PRDM16: variants seen among roughly 807,000 people sequenced by gnomAD.
PRDM16 encodes the protein PR/SET domain 16, also known as histone-lysine N-methyltransferase PRDM16.
In PRDM16, 23 loss-of-function variants were observed where a neutral mutation model predicts 110.6. That is an observed-to-expected ratio of 0.21 (90% CI 0.15 to 0.29). The LOEUF (loss-of-function observed/expected upper bound fraction) is 0.29. Among genes scored for constraint, PRDM16 ranks in the 10% least tolerant of loss-of-function variants. The pLI is 1.00. For synonymous variants in PRDM16, 799 were observed against 781.8 expected (o/e 1.02, Z -0.37); for missense variants, 1,615 against 1,794.3 (o/e 0.90, Z 1.81).
chr1:3,279,886 G>T (rs1640675396), intron 3 of PRDM16, among the ~76,000 whole-genome samples: 1 of 129,366 alleles, frequency 7.7e-6, no homozygotes. Flanking sequence ...CCCCCCCCGG[G>T]CACCCACCAC....
intron 2 of PRDM16, among the ~76,000 whole-genome samples, chr1:3,199,375 G>A (rs1638562681): frequency 6.6e-6 from 1 of 152,230 alleles, no homozygotes; most frequent in African/African-American, 2.4e-5. Flanking sequence ...TAAGCAACAT[G>A]AAATGGCCGG....
At chr1:3,121,718 G>A (rs925556074) in intron 1 of PRDM16, among the ~76,000 whole-genome samples, 2 of 152,260 alleles carry the variant, frequency 1.3e-5, no homozygotes, top group Non-Finnish European at 2.9e-5. Flanking sequence ...GCCGCCGACA[G>A]CCTTGGGGGA....
chr1:3,254,379 T>A (rs1435197039), intron 3 of PRDM16, among the ~76,000 whole-genome samples: 24 of 152,154 alleles, frequency 1.6e-4, no homozygotes, highest in Non-Finnish European at 3.5e-4. Context: ...TGTCCCTGTT[T>A]GCAGATGACA....
chr1:3,273,673 C>CTG (rs751412198), intron 3 of PRDM16, among the ~76,000 whole-genome samples: 72 of 151,000 alleles, frequency 4.8e-4, no homozygotes, highest in Non-Finnish European at 8.6e-4. Context: ...GGGTACATTC[C>CTG]TGTGTGTGTG....
At chr1:3,363,644 A>G (rs904814180) in intron 3 of PRDM16, among the ~76,000 whole-genome samples, 2 of 152,052 alleles carry the variant, frequency 1.3e-5, no homozygotes, top group African/African-American at 4.8e-5. Context: ...TTGCCCCCCA[A>G]TAAGGCCCCC....
Position 3,253,281 on chromosome 1 carries a change from T to C in PRDM16, c.438+9144T>C, listed in dbSNP as rs919023786. On this transcript the variant is annotated intron_variant, in intron 3 of 16. Transcript: ENST00000270722. ...TACAGGTTAGTTACATATGTATACA[T>C]GTGCCATGCTGGTGTGCTGTACCCA... Among the ~76,000 whole-genome samples the C allele has an allele frequency of 1.2e-4, 18 of 151,968 alleles. 2 individuals are homozygous for C. In the East Asian group the frequency reaches 2.9e-3, roughly 24 times the overall value.
intron 1 of PRDM16, among the ~76,000 whole-genome samples, chr1:3,185,730 G>A (rs994972133): frequency 6.6e-6 from 1 of 152,222 alleles, no homozygotes; most frequent in South Asian, 2.1e-4. Context: ...CAGCCGCCAC[G>A]CGTGACGGCT....
At chr1:3,176,614 C>A (rs1478778355) in intron 1 of PRDM16, among the ~76,000 whole-genome samples, 1 of 150,062 alleles carries the variant, frequency 6.7e-6, no homozygotes, top group African/African-American at 2.5e-5. Flanking sequence ...ATCATCCATT[C>A]ATCTATCCAT....
chr1:3,310,882 C>T (rs549280039), intron 3 of PRDM16, among the ~76,000 whole-genome samples: 76 of 149,222 alleles, frequency 5.1e-4, no homozygotes, highest in Non-Finnish European at 6.1e-4. Context: ...TGTGGGCATG[C>T]GTGTGTGTGA....
chr1:3,380,767 G>A (rs1318915022), intron 3 of PRDM16, among the ~76,000 whole-genome samples: 1 of 152,200 alleles, frequency 6.6e-6, no homozygotes, highest in African/African-American at 2.4e-5. Flanking sequence ...ATTCTGCAAG[G>A]TGAGGGGGGC....
chr1:3,408,442 T>C (rs181280585), intron 8 of PRDM16, among the ~76,000 whole-genome samples: 47 of 152,352 alleles, frequency 3.1e-4, no homozygotes, highest in African/African-American at 1.1e-3. Context: ...CACTGGGCAC[T>C]TTGCAGAAAG....
intron 1 of PRDM16, among the ~76,000 whole-genome samples, chr1:3,118,460 C>T (rs771462367): frequency 3.3e-5 from 5 of 152,126 alleles, no homozygotes; most frequent in Non-Finnish European, 5.9e-5. Flanking sequence ...AAGGGGGCAG[C>T]TTTGGGAGCT....
At chr1:3,406,673 T>G (rs934444408) in intron 8 of PRDM16, among the ~76,000 whole-genome samples, 1 of 152,018 alleles carries the variant, frequency 6.6e-6, no homozygotes, top group Non-Finnish European at 1.5e-5. Flanking sequence ...AGCCCAGGAA[T>G]TCGAGGCTGC....
intron 8 of PRDM16, among the ~76,000 whole-genome samples, chr1:3,406,988 G>A (rs1643573935): frequency 6.6e-6 from 1 of 152,242 alleles, no homozygotes; most frequent in African/African-American, 2.4e-5. Flanking sequence ...GCTACAAGAT[G>A]TTGAGTGACC....
rs1640016422 is a variant in PRDM16, at chr1:3,255,218, A to T, written c.438+11081A>T. 1.3e-5 allele frequency among the ~76,000 whole-genome samples: 2 copies of T among 152,198 alleles called. No homozygotes were observed. The highest frequency in any genetic ancestry group is 4.8e-5 in the African/African-American group (2 of 41,448). On this transcript the variant is annotated intron_variant, in intron 3 of 16. Coordinates refer to ENST00000270722, the MANE Select transcript of PRDM16 (RefSeq NM_022114.4). This position sits in a 1 kb window ranked among gnomAD's most constrained non-coding sequence, Gnocchi z 4.7. ...CCATAAAAACCCTAGAAGAAAACCT[A>T]GGCATTACCATTCAGGACATAGGCA...
chr1:3,171,644 C>T (rs1644026839), intron 1 of PRDM16, among the ~76,000 whole-genome samples: 1 of 152,216 alleles, frequency 6.6e-6, no homozygotes, highest in Non-Finnish European at 1.5e-5. Context: ...TGAGCTGGCT[C>T]CTGTCCTGCC....
In PRDM16 at chr1:3,402,089, C is replaced by T. The variant is rs61429447; in HGVS notation, c.677-702C>T. On this transcript the variant is annotated intron_variant, in intron 5 of 16. Transcript: ENST00000270722. ...CAGCTGCCTGCTCATGCCCAAGACGCCCCCGTGCACTCACACACTGGTGCA... is the reference window on the plus strand; with the variant it reads ...CAGCTGCCTGCTCATGCCCAAGACGTCCCCGTGCACTCACACACTGGTGCA... Among the ~76,000 whole-genome samples the T allele has an allele frequency of 2.5e-3, 377 of 152,368 alleles. 2 individuals are homozygous for T. The highest frequency in any genetic ancestry group is 8.6e-3 in the African/African-American group (356 of 41,586).
chr1:3,368,879 T>C (rs1642862646), intron 3 of PRDM16, among the ~76,000 whole-genome samples: 1 of 152,162 alleles, frequency 6.6e-6, no homozygotes, highest in African/African-American at 2.4e-5. Context: ...AGGATTAAAA[T>C]GTTCTGCAGC....
intron 1 of PRDM16, among the ~76,000 whole-genome samples, chr1:3,084,622 G>A (rs1313235146): frequency 1.3e-5 from 2 of 152,208 alleles, no homozygotes; most frequent in Non-Finnish European, 2.9e-5. Context: ...TTGAGCCAGG[G>A]AGGCACCGTC....
Sources: gnomAD v4.1 joint callset for allele counts (sites outside exome capture counted in the v4.1 genomes callset) on GRCh38, gnomAD v4.1.1 for gene constraint, Gnocchi (gnomAD v3.1) non-coding constraint, MANE v1.5 for transcripts, NCBI Gene and HGNC (gene_info 2026-07-23, HGNC 2026-07-21) for gene names.